The following SETD5 variants were observed in gnomAD, a reference collection of about 807,000 sequenced individuals.
SETD5 encodes SET domain containing 5.
Under a neutral mutation model 153.3 loss-of-function variants are expected in SETD5, and 44 were observed. That is an observed-to-expected ratio of 0.29 (90% CI 0.23 to 0.37). The LOEUF (loss-of-function observed/expected upper bound fraction) is 0.37, where lower values mean the gene tolerates loss of function less well. Ranked by LOEUF, SETD5 falls within the 10% of genes least tolerant of loss-of-function variation. SETD5 has a pLI of 1.00. For synonymous variants in SETD5, 716 were observed against 645.2 expected, an observed-to-expected ratio of 1.11 and a Z score of -1.66; for missense variants, 1,544 against 1,768.0, an observed-to-expected ratio of 0.87 and a Z score of 2.27.
At chr3:9,416,567 G>A (rs1021688636) in intron 1 of SETD5, among the ~76,000 whole-genome samples, 5 of 152,224 alleles carry the variant, frequency 3.3e-5, no homozygotes, top group East Asian at 3.9e-4. Flanking sequence ...AACCACAAGT[G>A]TATAATTGTA....
At chr3:9,471,096 T>C (rs2045251967) in intron 19 of SETD5, among the ~76,000 whole-genome samples, 167 bp downstream of exon 19, 1 of 152,224 alleles carries the variant, frequency 6.6e-6, no homozygotes, top group Non-Finnish European at 1.5e-5. Flanking sequence ...ACTTGGTGAA[T>C]GTTGTAAATA....
intron 11 of SETD5, 26 bp from the exon 12 acceptor site, chr3:9,445,022 G>A: frequency 6.2e-7 from 1 of 1,606,860 alleles, no homozygotes; most frequent in South Asian, 1.1e-5. Flanking sequence ...ACTGAGACAG[G>A]CATTTTGGTT....
At chr3:9,423,504 C>T (rs189130845) in intron 1 of SETD5, among the ~76,000 whole-genome samples, 104 of 152,252 alleles carry the variant, frequency 6.8e-4, no homozygotes, top group African/African-American at 2.2e-3. Context: ...ACATCTATTT[C>T]GCTGTTTTCC....
intron 2 of SETD5, among the ~76,000 whole-genome samples, chr3:9,427,276 C>T (rs914921808): frequency 2.6e-5 from 4 of 152,206 alleles, no homozygotes; most frequent in African/African-American, 4.8e-5. Context: ...CGGCCAGGCA[C>T]GGTGGCTCAC....
At position 9,441,352 on chromosome 3, in the gene SETD5, A is replaced by AT. The variant is rs375612987; in HGVS notation, c.811-225dup. Among the ~76,000 whole-genome samples, 660 of 138,100 alleles carry AT rather than the reference A, an allele frequency of 4.8e-3. 1 individual carries two copies. Among genetic ancestry groups the AT allele is most frequent in the African/African-American group, 7.2e-3 (273 of 37,788 alleles). 90.6% of individuals were successfully genotyped at this position (138,100 alleles called of 152,430 possible). A position where few individuals can be genotyped will look rare whatever the true frequency, so the allele number is the denominator to read the frequency against. The stretch of plus-strand genomic sequence containing the variant: ...AGAGTCACTGAAGTCTTAATCATGT[A>AT]TTTTTTTTTTTTTTTTAATATTTTC... On this transcript the variant is annotated intron_variant, in intron 8 of 22. Coordinates refer to ENST00000402198, the MANE Select transcript of SETD5 (RefSeq NM_001080517.3).
At chr3:9,446,358 G>A (rs554306140) in intron 13 of SETD5, among the ~76,000 whole-genome samples, 1 of 150,958 alleles carries the variant, frequency 6.6e-6, no homozygotes, top group Admixed American at 6.6e-5. Context: ...ATTATAGTTG[G>A]TTTGCTCTGA....
intron 17 of SETD5, 75 bp downstream of exon 17, chr3:9,453,943 A>G: frequency 1.4e-6 from 2 of 1,399,014 alleles, no homozygotes; most frequent in South Asian, 1.7e-5. Context: ...AAGTATGAGT[A>G]TTTCTGATAC....
At chr3:9,474,743 A>C in intron 21 of SETD5, 161 bp downstream of exon 21, 3 of 961,964 alleles carry the variant, frequency 3.1e-6, no homozygotes, top group Non-Finnish European at 4.6e-6. Flanking sequence ...GGGCTACCAC[A>C]TTTGTAAGAT....
In SETD5 at chr3:9,445,962, G is replaced by GTTTTTTTTTT. The variant is rs1432231015; in HGVS notation, c.1524+224_1524+225insTTTTTTTTTT. 3.4e-4 allele frequency among the ~76,000 whole-genome samples: 41 copies of GTTTTTTTTTT among 120,228 alleles called. 2 individuals carry two copies. Among genetic ancestry groups the GTTTTTTTTTT allele is most frequent in the African/African-American group, 9.8e-4 (28 of 28,626 alleles). The allele number at this position is 120,228 out of a possible 152,430, so 78.9% of individuals were successfully genotyped here. ...TATTATCTAGTGATGGTTTGAAGAG[G>GTTTTTTTTTT]TTGTTTTTTTTTTTTTTTTTTTTTT... is the stretch of plus-strand genomic sequence containing the variant. On this transcript the variant is annotated intron_variant, in intron 13 of 22. Coordinates refer to ENST00000402198, the MANE Select transcript of SETD5 (RefSeq NM_001080517.3).
At chr3:9,457,973 T>C (rs2043465975) in intron 17 of SETD5, among the ~76,000 whole-genome samples, 1 of 152,158 alleles carries the variant, frequency 6.6e-6, no homozygotes. Flanking sequence ...TCTTGAGGTG[T>C]AAGACGAGCT....
intron 1 of SETD5, among the ~76,000 whole-genome samples, chr3:9,399,754 T>G (rs758581176): frequency 6.6e-6 from 1 of 152,050 alleles, no homozygotes; most frequent in Non-Finnish European, 1.5e-5. Flanking sequence ...AGGCCTTGGT[T>G]TAAAAGGGTG....
Position 9,434,429 on chromosome 3 carries a change from C to T in SETD5, c.273C>T (p.Thr91=). ...SPNSEGETVP[T]WCPCGLSQDG... ...ACTCTGAAGGAGAAACTGTACCTAC[C>T]TGGTGTCCTTGTGGTCTTTCTCAGG... Residue 91 remains threonine (T), a synonymous_variant, in exon 5 of 23, where the codon ACC becomes ACT. Coordinates refer to ENST00000402198, the MANE Select transcript of SETD5 (RefSeq NM_001080517.3). The surrounding 1 kb of genome is among the most constrained non-coding windows in gnomAD (Gnocchi z 5.6). 1 of 1,613,994 alleles carries T rather than the reference C, an allele frequency of 6.2e-7. No individual in the cohort carries two copies. The highest frequency in any genetic ancestry group is 8.5e-7 in the Non-Finnish European group (1 of 1,179,886).
At chr3:9,473,108 C>CT (rs1575615352) in intron 19 of SETD5, 128 bp from the exon 20 acceptor site, 2 of 1,157,440 alleles carry the variant, frequency 1.7e-6, no homozygotes, top group Non-Finnish European at 2.4e-6. Context: ...TTGGTGTCTG[C>CT]TTTGTTTGCG....
chr3:9,429,507 TATA>T (rs1435713657), intron 3 of SETD5, among the ~76,000 whole-genome samples: 1 of 152,174 alleles, frequency 6.6e-6, no homozygotes, highest in Non-Finnish European at 1.5e-5. Flanking sequence ...TCTGTTTTTT[TATA>T]ATATTCGTTG....
Position 9,470,676 on chromosome 3 carries a change from T to C in SETD5, c.2942T>C (p.Phe981Ser). ...RNSDQAFRTEFNLMYAYSPLN... is the reference protein window; with the variant it reads ...RNSDQAFRTESNLMYAYSPLN... ...TCAGACCAGGCATTTCGGACAGAGT[T>C]CAACTTGATGTATGCCTACTCCCCT... Residue 981 changes from phenylalanine (F) to serine (S), a missense_variant, in exon 19 of 23, where the codon TTC (phenylalanine) becomes TCC (serine). Physicochemically the swap from Phe to Ser is radical, Grantham distance 155. Transcript: ENST00000402198. 2 of 1,613,990 alleles carry C rather than the reference T, an allele frequency of 1.2e-6. No homozygotes were observed. The highest frequency in any genetic ancestry group is 1.7e-6 in the Non-Finnish European group (2 of 1,179,888).
At chr3:9,429,584 G>A (rs2125051067) in intron 3 of SETD5, among the ~76,000 whole-genome samples, 1 of 151,912 alleles carries the variant, frequency 6.6e-6, no homozygotes, top group South Asian at 2.1e-4. Flanking sequence ...AGCAGCTTTA[G>A]GAATTCAGAG....
At chr3:9,456,480 T>TAA (rs369657820) in intron 17 of SETD5, among the ~76,000 whole-genome samples, 11,240 of 121,662 alleles carry the variant, frequency 0.092, 538 homozygotes, top group Middle Eastern at 0.16. Context: ...CTTTAAAACT[T>TAA]AAAAAAAAAA....
rs1167931292 is a variant in SETD5 at position 9,476,185 on chromosome 3, C to CG, written c.*100dup. The CG allele has an allele frequency of 8.2e-6, 12 of 1,466,876 alleles. No individual in the cohort carries two copies. The highest frequency in any genetic ancestry group is 1.1e-5 in the Non-Finnish European group (12 of 1,101,384). The allele number at this position is 1,466,876 out of a possible 1,614,324, so 90.9% of individuals were successfully genotyped here. A position where few individuals can be genotyped will look rare whatever the true frequency, so the allele number is the denominator to read the frequency against. On this transcript the variant is annotated 3_prime_UTR_variant, in exon 23 of 23. Coordinates refer to ENST00000402198, the MANE Select transcript of SETD5 (RefSeq NM_001080517.3). ...CTAGGCCGAGCATATTGCTGAGGAA[C>CG]GGGGGGTACAAGGTGCCAGAGGATT...
chr3:9,406,616 A>AAAAAAAAAAC (rs2035740120), intron 1 of SETD5, among the ~76,000 whole-genome samples: 1 of 152,014 alleles, frequency 6.6e-6, no homozygotes, highest in African/African-American at 2.4e-5. Flanking sequence ...TCAAAAAAAA[A>AAAAAAAAAAC]AAAAAGAATA....
Sources: allele counts gnomAD v4.1 joint callset (sites outside exome capture counted in the v4.1 genomes callset), GRCh38; gene constraint gnomAD v4.1.1; non-coding constraint Gnocchi (gnomAD v3.1); transcripts MANE v1.5; gene names NCBI Gene and HGNC (gene_info 2026-07-23, HGNC 2026-07-21).